ADAMTS19: variants seen among roughly 807,000 people sequenced by gnomAD.
ADAMTS19 encodes ADAM metallopeptidase with thrombospondin type 1 motif 19, also known as A disintegrin and metalloproteinase with thrombospondin motifs 19.
A neutral mutation model predicts 153.3 loss-of-function variants in ADAMTS19; 93 were observed. The ratio of observed to expected loss-of-function variants is 0.61; its 90% CI spans 0.51 to 0.72. The LOEUF is 0.72. ADAMTS19 is among the 30% of genes least tolerant of loss of function. The probability of loss-of-function intolerance (pLI) is 0.00; values close to 1 mark genes in which losing one functional copy is unlikely to be tolerated. For missense variants in ADAMTS19, 1,482 were observed against 1,552.1 expected (o/e 0.95, Z 0.76); for synonymous variants, 600 against 556.6 (o/e 1.08, Z -1.10).
chr5:129,469,106 T>C (rs991565577), intron 2 of ADAMTS19, among the ~76,000 whole-genome samples: 1 of 151,974 alleles, frequency 6.6e-6, no homozygotes, highest in Non-Finnish European at 1.5e-5. Context: ...ATTATATATT[T>C]TTATTTCTAA....
intron 16 of ADAMTS19, among the ~76,000 whole-genome samples, chr5:129,671,399 G>T (rs1373171634): frequency 6.6e-6 from 1 of 152,130 alleles, no homozygotes; most frequent in Non-Finnish European, 1.5e-5. Context: ...AAGAAGAAAT[G>T]ACACTGTGTT....
At chr5:129,619,457 GT>G (rs144415715) in intron 8 of ADAMTS19, among the ~76,000 whole-genome samples, 12,237 of 152,048 alleles carry the variant, frequency 0.08, 589 homozygotes, top group Middle Eastern at 0.15. Context: ...ACAACATAAT[GT>G]TTGGGAAACT....
intron 8 of ADAMTS19, among the ~76,000 whole-genome samples, chr5:129,611,531 T>G (rs1336678423): frequency 2.0e-5 from 3 of 152,188 alleles, no homozygotes; most frequent in Non-Finnish European, 2.9e-5. Flanking sequence ...CCCAGCACCA[T>G]TTATTAAATA....
chr5:129,730,275 TAAGAG>T (rs1207561111), intron 21 of ADAMTS19, among the ~76,000 whole-genome samples: 3 of 152,116 alleles, frequency 2.0e-5, no homozygotes, highest in African/African-American at 7.2e-5. Flanking sequence ...TGTAGAAGTT[TAAGAG>T]AAAAAGTCAG....
intron 7 of ADAMTS19, among the ~76,000 whole-genome samples, chr5:129,568,739 T>G (rs188837804): frequency 6.6e-6 from 1 of 152,218 alleles, no homozygotes; most frequent in East Asian, 1.9e-4. Flanking sequence ...GAAGAATCAC[T>G]TGAACCCAGG....
In ADAMTS19 at chr5:129,474,303, G is replaced by A. The variant is rs190313163; in HGVS notation, c.747+12546G>A. 4.9e-4 allele frequency among the ~76,000 whole-genome samples: 74 copies of A among 152,110 alleles called. 1 individual carries two copies. In the East Asian group the frequency reaches 0.013, roughly 27 times the overall value. ...CCACATTTTGTTTATTCATTCATCA[G>A]TTGGTGGGCATTTGGATTGTTTCCA... is the stretch of plus-strand genomic sequence containing the variant. On this transcript the variant is annotated intron_variant, in intron 2 of 22. Coordinates refer to ENST00000274487, the MANE Select transcript of ADAMTS19 (RefSeq NM_133638.6).
chr5:129,647,877 G>C lies in ADAMTS19; in HGVS notation c.1985G>C (p.Arg662Pro). ...ACCTGCAGTGCTGGGATCAGCAGTCGAGAGCGCAAATGTCCTGGGTAAACT... is the reference window on the plus strand; with the variant it reads ...ACCTGCAGTGCTGGGATCAGCAGTCCAGAGCGCAAATGTCCTGGGTAAACT... ...SRTCSAGISS[R>P]ERKCPGLDSE... The change falls in exon 12 of 23, where the codon CGA becomes CCA. Residue 662 changes from arginine (R) to proline (P), a missense_variant. Arg to Pro is a moderately radical substitution (Grantham distance 103). This residue lies in a region of ADAMTS19 where 616 missense variants were observed against 724.4 expected (regional missense o/e 0.85). Transcript: ENST00000274487. 2 of 1,613,524 alleles carry C rather than the reference G, an allele frequency of 1.2e-6. No individual in the cohort carries two copies. The highest frequency in any genetic ancestry group is 8.5e-7 in the Non-Finnish European group (1 of 1,179,604).
intron 15 of ADAMTS19, among the ~76,000 whole-genome samples, chr5:129,658,961 A>G (rs1376408505): frequency 6.6e-6 from 1 of 152,212 alleles, no homozygotes; most frequent in Non-Finnish European, 1.5e-5. Flanking sequence ...TGTACATTTA[A>G]TAAGTTGGAA....
intron 6 of ADAMTS19, among the ~76,000 whole-genome samples, chr5:129,551,092 A>C (rs979463675): frequency 5.9e-5 from 9 of 151,728 alleles, no homozygotes; most frequent in Non-Finnish European, 1.0e-4. Flanking sequence ...AGATATTATT[A>C]CTACCTCTAT....
At chr5:129,734,901 A>T in intron 21 of ADAMTS19, 31 bp from the exon 22 acceptor site, 1 of 1,480,600 alleles carries the variant, frequency 6.8e-7, no homozygotes, top group Non-Finnish European at 9.0e-7. Flanking sequence ...AAAATAAAAA[A>T]GAACCTAAAC....
At chr5:129,593,243 G>C (rs938124425) in intron 7 of ADAMTS19, among the ~76,000 whole-genome samples, 1 of 152,104 alleles carries the variant, frequency 6.6e-6, no homozygotes, top group Non-Finnish European at 1.5e-5. Flanking sequence ...AGCTGTGATT[G>C]ATCTTGATTC....
chr5:129,541,714 T>C (rs916664197), intron 6 of ADAMTS19, among the ~76,000 whole-genome samples: 1 of 152,108 alleles, frequency 6.6e-6, no homozygotes, highest in Non-Finnish European at 1.5e-5. Context: ...ATCTCTGTTG[T>C]GTCCTTCCCC....
At chr5:129,625,084 G>A (rs1052831910) in intron 10 of ADAMTS19, among the ~76,000 whole-genome samples, 5 of 151,978 alleles carry the variant, frequency 3.3e-5, no homozygotes, top group Non-Finnish European at 7.4e-5. Flanking sequence ...GAGAACATGG[G>A]TTGTTTGGTT....
intron 10 of ADAMTS19, among the ~76,000 whole-genome samples, chr5:129,629,586 T>C (rs758651609): frequency 6.6e-6 from 1 of 152,108 alleles, no homozygotes; most frequent in Admixed American, 6.6e-5. Context: ...TAATTAATGA[T>C]ATAAATTTAC....
At chr5:129,618,901 T>C (rs900111526) in intron 8 of ADAMTS19, among the ~76,000 whole-genome samples, 1 of 152,050 alleles carries the variant, frequency 6.6e-6, no homozygotes. Flanking sequence ...TATATAATTT[T>C]TTTTCTACAT....
chr5:129,619,618 C>T (rs1269577832), intron 8 of ADAMTS19, among the ~76,000 whole-genome samples: 1 of 151,940 alleles, frequency 6.6e-6, no homozygotes, highest in East Asian at 1.9e-4. Context: ...TTAAATAGAT[C>T]TCACTGGAGC....
chr5:129,646,343 G>A (rs1195952795), intron 11 of ADAMTS19, among the ~76,000 whole-genome samples: 2 of 152,060 alleles, frequency 1.3e-5, no homozygotes, highest in Admixed American at 1.3e-4. Context: ...GAATTTAAAT[G>A]TTGACATTAT....
intron 8 of ADAMTS19, among the ~76,000 whole-genome samples, chr5:129,608,140 A>ATATG (rs1164899419): frequency 7.5e-6 from 1 of 132,928 alleles, no homozygotes; most frequent in African/African-American, 2.7e-5. Context: ...ATATATATAT[A>ATATG]ATGGAACATT....
intron 16 of ADAMTS19, among the ~76,000 whole-genome samples, chr5:129,666,384 A>G (rs2127084807): frequency 6.6e-6 from 1 of 152,174 alleles, no homozygotes; most frequent in South Asian, 2.1e-4. Context: ...TATTATCTTT[A>G]CATACACAAA....
Sources: gnomAD v4.1 joint callset for allele counts (sites outside exome capture counted in the v4.1 genomes callset) on GRCh38, gnomAD v4.1.1 for gene constraint, gnomAD v4.1.1 regional missense constraint, MANE v1.5 for transcripts, NCBI Gene and HGNC (gene_info 2026-07-23, HGNC 2026-07-21) for gene names.